CNTN5: variants seen among roughly 807,000 people sequenced by gnomAD.
CNTN5 encodes contactin-5.
Under a neutral mutation model 129.1 loss-of-function variants are expected in CNTN5, and 77 were observed. The observed-to-expected ratio is 0.60, with a 90% CI of 0.50 to 0.72. The LOEUF (loss-of-function observed/expected upper bound fraction) is 0.72, where lower values mean the gene tolerates loss of function less well. Among genes scored for constraint, CNTN5 ranks in the 30% least tolerant of loss-of-function variants. The pLI is 0.00. For synonymous variants in CNTN5, 509 were observed against 465.6 expected (o/e 1.09, Z -1.20); for missense variants, 1,478 against 1,328.8 (o/e 1.11, Z -1.75).
chr11:99,384,624 C>T (rs576023231), intron 2 of CNTN5, among the ~76,000 whole-genome samples: 1 of 152,168 alleles, frequency 6.6e-6, no homozygotes, highest in Non-Finnish European at 1.5e-5. Flanking sequence ...ACTTCTTTAT[C>T]TCAGTTCCCT....
intron 6 of CNTN5, among the ~76,000 whole-genome samples, chr11:99,891,678 G>T (rs376057680): frequency 6.6e-6 from 1 of 152,086 alleles, no homozygotes; most frequent in African/African-American, 2.4e-5. Context: ...TTTTATGGCT[G>T]CGTGGTATTC....
intron 16 of CNTN5, among the ~76,000 whole-genome samples, chr11:100,254,030 G>A (rs1435926025): frequency 6.6e-6 from 1 of 151,946 alleles, no homozygotes; most frequent in African/African-American, 2.4e-5. Flanking sequence ...GTTACCCACA[G>A]CATTGTCATA....
At chr11:99,074,552 C>T (rs376398998) in intron 1 of CNTN5, among the ~76,000 whole-genome samples, 44 of 152,170 alleles carry the variant, frequency 2.9e-4, no homozygotes, top group African/African-American at 1.0e-3. Flanking sequence ...CTATGTTGCC[C>T]AGGCTGATCT....
chr11:99,036,352 A>ATTTTATTT (rs1289813720), intron 1 of CNTN5, among the ~76,000 whole-genome samples: 1 of 151,988 alleles, frequency 6.6e-6, no homozygotes, highest in African/African-American at 2.4e-5. Flanking sequence ...AGTAGTCATC[A>ATTTTATTT]TTTTATACAT....
At chr11:100,124,247 A>G (rs1414823164) in intron 13 of CNTN5, among the ~76,000 whole-genome samples, 1 of 152,066 alleles carries the variant, frequency 6.6e-6, no homozygotes, top group Non-Finnish European at 1.5e-5. Flanking sequence ...TTATGACTCT[A>G]CATCCCATTC....
intron 21 of CNTN5, among the ~76,000 whole-genome samples, chr11:100,310,334 GC>G (rs1367408410): frequency 4.6e-5 from 7 of 151,782 alleles, no homozygotes; most frequent in Non-Finnish European, 8.8e-5. Context: ...TCACCCTCAA[GC>G]TTTTTTTATA....
intron 2 of CNTN5, among the ~76,000 whole-genome samples, chr11:99,476,485 G>A (rs1447689765): frequency 1.3e-5 from 2 of 152,074 alleles, no homozygotes; most frequent in Non-Finnish European, 2.9e-5. Flanking sequence ...GAGTTATGAT[G>A]CATATCACGT....
chr11:99,794,988 T>C (rs1222409349), intron 3 of CNTN5, among the ~76,000 whole-genome samples: 2 of 152,188 alleles, frequency 1.3e-5, no homozygotes, highest in East Asian at 1.9e-4. Context: ...GTTAAGGAAA[T>C]TTTAATGGAG....
In CNTN5 at chr11:99,191,299, T is replaced by C. The variant is rs1037684611; in HGVS notation, c.-209-134047T>C. Among the ~76,000 whole-genome samples the C allele has an allele frequency of 5.9e-5, 9 of 151,828 alleles. No individual in the cohort carries two copies. In the South Asian group the frequency reaches 8.3e-4, roughly 14 times the overall value. ...TCATCAGGAATATTGGCCTATAATT[T>C]TTTTGTAGTTTTGTCTGGCTTTGGA... On this transcript the variant is annotated intron_variant, in intron 1 of 24. Coordinates refer to ENST00000524871, the MANE Select transcript of CNTN5 (RefSeq NM_014361.4).
At chr11:99,078,974 A>C (rs1424321811) in intron 1 of CNTN5, among the ~76,000 whole-genome samples, 1 of 152,174 alleles carries the variant, frequency 6.6e-6, no homozygotes, top group Non-Finnish European at 1.5e-5. Context: ...AAAAAATGAC[A>C]AATACTTGAG....
At chr11:99,849,739 A>G (rs1675903759) in intron 6 of CNTN5, among the ~76,000 whole-genome samples, 1 of 152,190 alleles carries the variant, frequency 6.6e-6, no homozygotes, top group African/African-American at 2.4e-5. Flanking sequence ...TCTGTTTCAA[A>G]TACATTAACT....
chr11:100,316,522 G>A (rs1429907092), intron 21 of CNTN5, among the ~76,000 whole-genome samples: 3 of 152,174 alleles, frequency 2.0e-5, no homozygotes, highest in African/African-American at 7.2e-5. Context: ...GAATAAATCT[G>A]TGCCAATGCC....
At chr11:100,158,793 T>C (rs967476067) in intron 13 of CNTN5, among the ~76,000 whole-genome samples, 9 of 151,888 alleles carry the variant, frequency 5.9e-5, no homozygotes, top group Non-Finnish European at 8.8e-5. Context: ...GTTCCAAGGA[T>C]ATGAATACCC....
At chr11:99,235,620 A>T (rs1025226719) in intron 1 of CNTN5, among the ~76,000 whole-genome samples, 1 of 152,208 alleles carries the variant, frequency 6.6e-6, no homozygotes, top group Non-Finnish European at 1.5e-5. Flanking sequence ...TATAGCAGTC[A>T]TCAATATAAT....
At chr11:99,352,911 C>A (rs1181234423) in intron 2 of CNTN5, among the ~76,000 whole-genome samples, 1 of 152,128 alleles carries the variant, frequency 6.6e-6, no homozygotes, top group African/African-American at 2.4e-5. Flanking sequence ...TCCTGACTGT[C>A]AATGCATAGA....
chr11:99,422,925 CA>C (rs1333079211), intron 2 of CNTN5, among the ~76,000 whole-genome samples: 1 of 152,032 alleles, frequency 6.6e-6, no homozygotes, highest in East Asian at 1.9e-4. Flanking sequence ...TAATTAAAAA[CA>C]AAATCTTCTC....
chr11:99,726,184 A>G (rs1164038557), intron 3 of CNTN5, among the ~76,000 whole-genome samples: 1 of 152,156 alleles, frequency 6.6e-6, no homozygotes, highest in Non-Finnish European at 1.5e-5. Context: ...TGAAGAGGAA[A>G]CCTACATCCT....
intron 3 of CNTN5, among the ~76,000 whole-genome samples, chr11:99,790,503 C>A (rs1945701916): frequency 6.6e-6 from 1 of 152,078 alleles, no homozygotes; most frequent in Non-Finnish European, 1.5e-5. Flanking sequence ...GACATAGTAA[C>A]ATACTTTTTT....
intron 1 of CNTN5, among the ~76,000 whole-genome samples, chr11:99,218,362 A>G (rs559296714): frequency 6.6e-6 from 1 of 151,978 alleles, no homozygotes; most frequent in East Asian, 1.9e-4. Flanking sequence ...CTATATACCA[A>G]CCCTCTAGGT....
Sources: gnomAD v4.1 joint callset for allele counts (sites outside exome capture counted in the v4.1 genomes callset) on GRCh38, gnomAD v4.1.1 for gene constraint, MANE v1.5 for transcripts, NCBI Gene and HGNC (gene_info 2026-07-23, HGNC 2026-07-21) for gene names.